The following TEX11 variants were observed in gnomAD, a reference collection of about 807,000 sequenced individuals.
The protein encoded by TEX11 is testis expressed 11, also known as testis-expressed protein 11.
Under a neutral mutation model 84.4 loss-of-function variants are expected in TEX11, and 7 were observed. The ratio of observed to expected loss-of-function variants is 0.08; its 90% CI spans 0.05 to 0.16. The LOEUF (loss-of-function observed/expected upper bound fraction) is 0.16. Among genes scored for constraint, TEX11 ranks in the 10% least tolerant of loss-of-function variants. The pLI is 1.00. For synonymous variants in TEX11, 264 were observed against 222.8 expected, an observed-to-expected ratio of 1.18 and a Z score of -1.64; for missense variants, 551 against 660.5, an observed-to-expected ratio of 0.83 and a Z score of 1.82.
chrX:70,710,958 G>T (rs1486331722), intron 13 of TEX11, among the ~76,000 whole-genome samples: 1 of 107,043 alleles, frequency 9.3e-6, no homozygotes, highest in African/African-American at 3.4e-5. Context: ...CCCACAACAG[G>T]CCCCAGTGTG....
chrX:70,777,819 A>T (rs1352913965), intron 9 of TEX11, among the ~76,000 whole-genome samples: 1 of 111,956 alleles, frequency 8.9e-6, no homozygotes, highest in African/African-American at 3.2e-5. Context: ...ACAAAGGAAG[A>T]CAGCAAGAAG....
At chrX:70,545,115 A>T (rs1603045176) in intron 28 of TEX11, among the ~76,000 whole-genome samples, 2 of 106,303 alleles carry the variant, frequency 1.9e-5, no homozygotes, top group Admixed American at 1.0e-4. Flanking sequence ...TGAAGCAGGA[A>T]AACTGCTTGA....
intron 24 of TEX11, among the ~76,000 whole-genome samples, chrX:70,592,266 G>A (rs73542404): frequency 0.083 from 9,185 of 111,039 alleles, 845 homozygotes; most frequent in African/African-American, 0.26. Context: ...AGAACAGTAA[G>A]AGCCTGTGAC....
intron 11 of TEX11, among the ~76,000 whole-genome samples, chrX:70,726,402 TA>T (rs2090599951): frequency 8.9e-6 from 1 of 112,102 alleles, no homozygotes. Flanking sequence ...TATTGTCTCT[TA>T]AAACTACACT....
intron 2 of TEX11, among the ~76,000 whole-genome samples, chrX:70,883,450 G>T (rs1484889646): frequency 9.0e-6 from 1 of 111,195 alleles, no homozygotes; most frequent in Non-Finnish European, 1.9e-5. Flanking sequence ...GCCAGGCATG[G>T]TAGCCCACAC....
At chrX:70,602,683 T>C (rs1270649172) in intron 24 of TEX11, among the ~76,000 whole-genome samples, 18 of 107,846 alleles carry the variant, frequency 1.7e-4, no homozygotes, top group Admixed American at 4.0e-4. Flanking sequence ...TTCAACATAG[T>C]GTTGGAAGTT....
At chrX:70,555,008 G>T (rs1485617550) in intron 25 of TEX11, among the ~76,000 whole-genome samples, 1 of 111,365 alleles carries the variant, frequency 9.0e-6, no homozygotes, top group African/African-American at 3.3e-5. Flanking sequence ...TAAGCTAACC[G>T]CTACTTCCAA....
At chrX:70,549,796 G>T (rs2088189607) in intron 28 of TEX11, among the ~76,000 whole-genome samples, 1 of 112,649 alleles carries the variant, frequency 8.9e-6, no homozygotes, top group Admixed American at 9.3e-5. Flanking sequence ...CCAGGCCCTG[G>T]CTCCTGCATG....
chrX:70,720,866 C>T (rs939610775), intron 13 of TEX11, among the ~76,000 whole-genome samples: 3 of 108,889 alleles, frequency 2.8e-5, no homozygotes, highest in South Asian at 3.9e-4. Context: ...ACACATCTCT[C>T]GCCACACCCA....
At chrX:70,894,457 C>T (rs112927129) in intron 2 of TEX11, among the ~76,000 whole-genome samples, 2,482 of 110,092 alleles carry the variant, frequency 0.023, 69 homozygotes, top group African/African-American at 0.078. Context: ...GAAGCCCCGT[C>T]TCTACTAAGA....
intron 9 of TEX11, among the ~76,000 whole-genome samples, chrX:70,799,712 G>C (rs1044154104): frequency 8.9e-6 from 1 of 111,957 alleles, no homozygotes; most frequent in South Asian, 3.7e-4. Context: ...TTGAAGAAAT[G>C]CTTCAGGATT....
At chrX:70,856,246 C>T (rs2091535671) in intron 5 of TEX11, among the ~76,000 whole-genome samples, 2 of 110,232 alleles carry the variant, frequency 1.8e-5, no homozygotes, top group African/African-American at 3.3e-5. Flanking sequence ...TAATGTTAAA[C>T]GAGGGGGAAA....
chrX:70,644,481 A>T (rs1305821935), intron 17 of TEX11, among the ~76,000 whole-genome samples: 1 of 108,781 alleles, frequency 9.2e-6, no homozygotes, highest in Non-Finnish European at 1.9e-5. Flanking sequence ...ACGTACGTTT[A>T]TTGCGGCATT....
chrX:70,633,042 AG>A (rs960119368), intron 17 of TEX11, among the ~76,000 whole-genome samples: 28 of 112,271 alleles, frequency 2.5e-4, no homozygotes, highest in Admixed American at 2.2e-3. Context: ...AAAACTGAAA[AG>A]GAGAATATAC....
chrX:70,846,880 C>T (rs753931330), intron 7 of TEX11, among the ~76,000 whole-genome samples: 6 of 110,945 alleles, frequency 5.4e-5, no homozygotes, highest in Non-Finnish European at 1.1e-4. Context: ...GCTGAGATCA[C>T]GCCACTGCAC....
At chrX:70,600,624 T>A (rs1181540451) in intron 24 of TEX11, among the ~76,000 whole-genome samples, 5 of 101,035 alleles carry the variant, frequency 4.9e-5, no homozygotes, top group Non-Finnish European at 8.0e-5. Context: ...GAAGTAAAGC[T>A]CTCCTCAGCA....
intron 16 of TEX11, among the ~76,000 whole-genome samples, chrX:70,654,412 T>A (rs5980993): frequency 0.55 from 59,674 of 109,431 alleles, 13,221 homozygotes; most frequent in Middle Eastern, 0.73. Context: ...AGAAACAGGA[T>A]AGAAATGACA....
chrX:70,679,553 C>G (rs1200243537), intron 14 of TEX11, among the ~76,000 whole-genome samples: 1 of 111,868 alleles, frequency 8.9e-6, no homozygotes, highest in Non-Finnish European at 1.9e-5. Context: ...TGCCCGGCCG[C>G]CCCGTCTGAG....
At chrX:70,764,931 G>A (rs1326629127) in intron 9 of TEX11, among the ~76,000 whole-genome samples, 1 of 110,920 alleles carries the variant, frequency 9.0e-6, no homozygotes, top group East Asian at 2.8e-4. Context: ...AAACTGTTCT[G>A]AAAAATAGAG....
Sources: gnomAD v4.1 joint callset for allele counts (sites outside exome capture counted in the v4.1 genomes callset) on GRCh38, gnomAD v4.1.1 for gene constraint, MANE v1.5 for transcripts, NCBI Gene and HGNC (gene_info 2026-07-23, HGNC 2026-07-21) for gene names.